The following MIB2 variants were observed in gnomAD, a reference collection of about 807,000 sequenced individuals.
MIB2 encodes the protein E3 ubiquitin-protein ligase MIB2.
Under a neutral mutation model 96.6 loss-of-function variants are expected in MIB2, and 78 were observed. That is an observed-to-expected ratio of 0.81 (90% CI 0.67 to 0.97). MIB2 has a LOEUF of 0.97. Among genes scored for constraint, MIB2 ranks in the 50% least tolerant of loss-of-function variants. The pLI, the probability that MIB2 is intolerant of heterozygous loss-of-function variation, is 0.00. For synonymous variants in MIB2, 820 were observed against 629.5 expected (o/e 1.30, Z -4.53); for missense variants, 1,543 against 1,424.0 (o/e 1.08, Z -1.35).
Position 1,628,480 on chromosome 1 carries a change from C to T in MIB2, c.1969-9C>T. On this transcript the variant is annotated splice_polypyrimidine_tract_variant and intron_variant, in intron 15 of 19. Coordinates refer to ENST00000355826, the MANE Select transcript of MIB2 (RefSeq NM_001170687.4). The stretch of plus-strand genomic sequence containing the variant: ...TCCCTGGGCTGAGCCCGTCCCCACC[C>T]CTCCCCAGGGCCGCTGTGACGTGAA... 4 of 1,595,964 alleles carry T rather than the reference C, an allele frequency of 2.5e-6. No homozygotes were observed. Among genetic ancestry groups the T allele is most frequent in the Non-Finnish European group, 3.4e-6 (4 of 1,174,890 alleles).
At position 1,623,609 on chromosome 1, in the gene MIB2, G is replaced by A. The variant is rs915897214; in HGVS notation, c.157G>A (p.Val53Ile). 4.0e-6 allele frequency: 6 copies of A among 1,497,238 alleles called. No homozygotes were observed. Among genetic ancestry groups the A allele is most frequent in the Non-Finnish European group, 5.3e-6 (6 of 1,122,146 alleles). The allele number at this position is 1,497,238 out of a possible 1,614,324, so 92.7% of individuals were successfully genotyped here. ...GSPSTPDRTV[V>I]VQWDQGTRTN... The stretch of plus-strand genomic sequence containing the variant: ...CCCCTCGACACCCGACCGCACAGTG[G>A]TCGTGCAGTGGGACCAGGGCACGCG... The change falls in exon 3 of 20, where the codon GTC (valine) becomes ATC (isoleucine). Residue 53 changes from valine (V) to isoleucine (I), a missense_variant. Transcript: ENST00000355826.
chr1:1,622,960 G>A lies in MIB2; in HGVS notation c.-22-471G>A, dbSNP rs189022427. Among the ~76,000 whole-genome samples, 85 of 152,040 alleles carry A rather than the reference G, an allele frequency of 5.6e-4. 2 individuals carry two copies. In the South Asian group the frequency reaches 7.3e-3, roughly 13 times the overall value. On this transcript the variant is annotated intron_variant, in intron 2 of 19. Coordinates refer to ENST00000355826, the MANE Select transcript of MIB2 (RefSeq NM_001170687.4). The stretch of plus-strand genomic sequence containing the variant: ...TTCGTGTGGATCATAGGAGTTCCTC[G>A]CCCTGTGTGGACACGAGTCCTCTGA...
chr1:1,625,374 T>C lies in MIB2; in HGVS notation c.810T>C (p.Asp270=), dbSNP rs1325438234. 1.3e-6 allele frequency: 2 copies of C among 1,589,424 alleles called. No homozygotes were observed. The highest frequency in any genetic ancestry group is 1.7e-6 in the Non-Finnish European group (2 of 1,168,672). The change falls in exon 7 of 20, where the codon GAT becomes GAC. Residue 270 remains aspartate, a synonymous_variant. Transcript: ENST00000355826. This position sits in a 1 kb window ranked among gnomAD's most constrained non-coding sequence, Gnocchi z 5.0. ...AGGTCAAGTGTCTGCTGGACACTGA[T>C]GTCCTGCGGGAGATGCAGGAAGGCC... is the stretch of plus-strand genomic sequence containing the variant. ...GDKVKCLLDT[D]VLREMQEGHG...
intron 5 of MIB2, 39 bp downstream of exon 5, chr1:1,624,940 T>C (rs1243320382): frequency 6.2e-7 from 1 of 1,607,286 alleles, no homozygotes; most frequent in Non-Finnish European, 8.5e-7. Flanking sequence ...GGCTGGGCTG[T>C]GGCTGGCTCA....
upstream of MIB2, chr1:1,614,348 C>T (rs561022629): frequency 6.6e-6 from 1 of 152,390 alleles, no homozygotes; most frequent in Admixed American, 6.5e-5. Context: ...TTCCTCAGGA[C>T]TGCAGTATTC....
rs1471479664 is a variant in MIB2 at position 1,630,287 on chromosome 1, C to T, written c.2630-5C>T. 5 of 1,488,576 alleles carry T rather than the reference C, an allele frequency of 3.4e-6. No homozygotes were observed. The highest frequency in any genetic ancestry group is 4.5e-6 in the Non-Finnish European group (5 of 1,122,534). The allele number at this position is 1,488,576 out of a possible 1,614,324, so 92.2% of individuals were successfully genotyped here. A position where few individuals can be genotyped will look rare whatever the true frequency, so the allele number is the denominator to read the frequency against. ...CCCAGCTCACACCCGTCCCCCACCC[C>T]GCAGACGGCTCTGAGGTGGCGAGCG... On this transcript the variant is annotated splice_region_variant and splice_polypyrimidine_tract_variant and intron_variant, in intron 19 of 19. Coordinates refer to ENST00000355826, the MANE Select transcript of MIB2 (RefSeq NM_001170687.4).
chr1:1,620,780 C>A (rs1286231189), intron 2 of MIB2, among the ~76,000 whole-genome samples: 1 of 152,264 alleles, frequency 6.6e-6, no homozygotes, highest in Non-Finnish European at 1.5e-5. Flanking sequence ...AGGAACCCTG[C>A]AGAGCCTGCC....
At position 1,624,992 on chromosome 1, in the gene MIB2, A is replaced by T; in HGVS notation, c.528A>T (p.Gly176=). 1 of 1,610,224 alleles carries T rather than the reference A, an allele frequency of 6.2e-7. No homozygotes were observed. The highest frequency in any genetic ancestry group is 8.5e-7 in the Non-Finnish European group (1 of 1,178,212). ...GPDWEWGSQD[G]GEGKPGRVVD... ...TGCTGGGGGGGCCTCTTTCCCCAGGAGGGGAAGGGAAACCGGGCCGTGTGG... is the reference window on the plus strand; with the variant it reads ...TGCTGGGGGGGCCTCTTTCCCCAGGTGGGGAAGGGAAACCGGGCCGTGTGG... The change falls in exon 6 of 20, where the codon GGA becomes GGT. Residue 176 remains glycine (G), a splice_region_variant and synonymous_variant. Coordinates refer to ENST00000355826, the MANE Select transcript of MIB2 (RefSeq NM_001170687.4).
intron 16 of MIB2, 104 bp downstream of exon 16, chr1:1,628,826 C>T (rs1381517425): frequency 2.9e-6 from 3 of 1,045,878 alleles, no homozygotes; most frequent in Non-Finnish European, 2.7e-6. Flanking sequence ...AGTGATGGCC[C>T]AGGGAGCCAG....
At position 1,627,279 on chromosome 1, in the gene MIB2, G is replaced by C; in HGVS notation, c.1375-17G>C. Reference sequence around the variant, plus strand: ...GGGGCAGAGGGCCAGGGACTCACCTGCTGGCACTCTTGGCAGGTGGACACC... The same window carrying C: ...GGGGCAGAGGGCCAGGGACTCACCTCCTGGCACTCTTGGCAGGTGGACACC... On this transcript the variant is annotated splice_polypyrimidine_tract_variant and intron_variant, in intron 11 of 19. Transcript: ENST00000355826. The C allele has an allele frequency of 6.2e-7, 1 of 1,613,226 alleles. No homozygotes were observed.
chr1:1,624,643 A>G (rs544137913), intron 4 of MIB2, 152 bp from the exon 5 acceptor site: 1 of 738,022 alleles, frequency 1.4e-6, no homozygotes, highest in East Asian at 2.7e-5. Flanking sequence ...GACCTGCTGG[A>G]CCGGCCATTC....
chr1:1,629,945 C>G (rs2100590197), intron 19 of MIB2, among the ~76,000 whole-genome samples: 1 of 148,976 alleles, frequency 6.7e-6, no homozygotes, highest in East Asian at 2.0e-4. Flanking sequence ...CACCCCAGCC[C>G]CGCTGGATTT....
Position 1,615,776 on chromosome 1 carries a change from G to C in MIB2, c.-130+143G>C, listed in dbSNP as rs1159420227. On this transcript the variant is annotated intron_variant, in intron 1 of 19. Coordinates refer to ENST00000355826, the MANE Select transcript of MIB2 (RefSeq NM_001170687.4). ...GCTGGACTCGGCGTAGGGTCCGCACGGGATGGGCTGGGGCTGCGCGCGCAG... is the reference window on the plus strand; with the variant it reads ...GCTGGACTCGGCGTAGGGTCCGCACCGGATGGGCTGGGGCTGCGCGCGCAG... 7 of 1,391,306 alleles carry C rather than the reference G, an allele frequency of 5.0e-6. No homozygotes were observed. In the East Asian group the frequency reaches 2.1e-4, roughly 41 times the overall value. The allele number at this position is 1,391,306 out of a possible 1,614,324, so 86.2% of individuals were successfully genotyped here. A position where few individuals can be genotyped will look rare whatever the true frequency, so the allele number is the denominator to read the frequency against.
rs12755088 is a variant in MIB2, at chr1:1,623,412, T to G, written c.-22-19T>G. On this transcript the variant is annotated intron_variant, in intron 2 of 19. Transcript: ENST00000355826. ...AGGTCCCGAGCAGCCCGGCCCACCA[T>G]GGACCCCTCTGCCCACAGGTCCCGA... is the stretch of plus-strand genomic sequence containing the variant. 1.7e-4 allele frequency: 270 copies of G among 1,600,848 alleles called. 2 individuals are homozygous for G. In the East Asian group the frequency reaches 6.0e-3, roughly 35 times the overall value.
intron 1 of MIB2, chr1:1,616,134 A>G (rs1643624677): frequency 1.0e-6 from 1 of 978,942 alleles, no homozygotes; most frequent in Non-Finnish European, 1.2e-6. Context: ...CTGGCAGCGG[A>G]CAGGGCCGGG....
rs1353939687 is a variant in MIB2, at chr1:1,628,478, C to T, written c.1969-11C>T. Reference sequence around the variant, plus strand: ...GGTCCCTGGGCTGAGCCCGTCCCCACCCCTCCCCAGGGCCGCTGTGACGTG... The same window carrying T: ...GGTCCCTGGGCTGAGCCCGTCCCCATCCCTCCCCAGGGCCGCTGTGACGTG... On this transcript the variant is annotated splice_polypyrimidine_tract_variant and intron_variant, in intron 15 of 19. Transcript: ENST00000355826. 3 of 1,595,654 alleles carry T rather than the reference C, an allele frequency of 1.9e-6. No individual in the cohort carries two copies. The highest frequency in any genetic ancestry group is 1.3e-5 in the African/African-American group (1 of 74,864).
In MIB2 at chr1:1,626,906, C is replaced by T; in HGVS notation, c.1147C>T (p.Gln383Ter). The change falls in exon 10 of 20, where the codon CAG (glutamine) becomes TAG (stop). Residue 383 changes from glutamine (Q) to a stop codon, truncating the protein, a stop_gained. Coordinates refer to ENST00000355826, the MANE Select transcript of MIB2 (RefSeq NM_001170687.4). LOFTEE classifies it high-confidence loss of function. The surrounding 1 kb of genome is among the most constrained non-coding windows in gnomAD (Gnocchi z 5.3). ...DGNLRVAVAG[Q>*]RWTFSPSCLV... The stretch of plus-strand genomic sequence containing the variant: ...GAACCTGCGTGTAGCAGTCGCTGGT[C>T]AGCGGTGGACCTTCAGCCCCTCCTG... The T allele has an allele frequency of 6.2e-7, 1 of 1,608,620 alleles. No homozygotes were observed. Among genetic ancestry groups the T allele is most frequent in the Non-Finnish European group, 8.5e-7 (1 of 1,179,566 alleles).
chr1:1,621,526 GGGAGGCAGC>G (rs1644259850), intron 2 of MIB2, among the ~76,000 whole-genome samples: 1 of 144,654 alleles, frequency 6.9e-6, no homozygotes, highest in Admixed American at 7.3e-5. Context: ...CGACAGGTGA[GGGAGGCAGC>G]GTCACCCGAC....
intron 2 of MIB2, among the ~76,000 whole-genome samples, chr1:1,621,809 G>A (rs954755940): frequency 3.9e-5 from 6 of 152,182 alleles, no homozygotes; most frequent in African/African-American, 1.4e-4. Context: ...TCGGGGGCAC[G>A]GATCGGGAGC....
Sources: gnomAD v4.1 joint callset for allele counts (sites outside exome capture counted in the v4.1 genomes callset) on GRCh38, gnomAD v4.1.1 for gene constraint, Gnocchi (gnomAD v3.1) non-coding constraint, MANE v1.5 for transcripts, NCBI Gene and HGNC (gene_info 2026-07-23, HGNC 2026-07-21) for gene names.